CSRP3: variants seen among roughly 807,000 people sequenced by gnomAD.
The protein encoded by CSRP3 is cysteine and glycine rich protein 3.
Under a neutral mutation model 24.3 loss-of-function variants are expected in CSRP3, and 24 were observed. The ratio of observed to expected loss-of-function variants is 0.99; its 90% CI spans 0.71 to 1.39. The LOEUF is 1.39. Among genes scored for constraint, CSRP3 ranks in the 40% most tolerant of loss-of-function variants. The pLI is 0.00. For missense variants in CSRP3, 240 were observed against 249.0 expected, an observed-to-expected ratio of 0.96 and a Z score of 0.24; for synonymous variants, 105 against 94.0, an observed-to-expected ratio of 1.12 and a Z score of -0.68.
In CSRP3 at chr11:19,188,168, G is replaced by T; in HGVS notation, c.249C>A (p.Asp83Glu). 1 of 1,614,156 alleles carries T rather than the reference G, an allele frequency of 6.2e-7. No individual in the cohort carries two copies. Among genetic ancestry groups the T allele is most frequent in the African/African-American group, 1.3e-5 (1 of 75,054 alleles). Residue 83 changes from aspartate to glutamate, a missense_variant, in exon 3 of 6, where the codon GAC becomes GAA. Coordinates refer to ENST00000265968, the MANE Select transcript of CSRP3 (RefSeq NM_003476.5). Reference sequence around the variant, plus strand: ...ACTGCAGGCCGAGATGCTCGCCCGTGTCTGTGCTGAGACAGCCAGCGCCTT... The same window carrying T: ...ACTGCAGGCCGAGATGCTCGCCCGTTTCTGTGCTGAGACAGCCAGCGCCTT... ...YGQGAGCLST[D>E]TGEHLGLQFQ...
intron 1 of CSRP3, chr11:19,196,850 G>A (rs915286349): frequency 6.6e-6 from 1 of 152,258 alleles, no homozygotes; most frequent in Non-Finnish European, 1.5e-5. Context: ...ACGAGGATGA[G>A]ATAGAATGGA....
intron 1 of CSRP3, among the ~76,000 whole-genome samples, chr11:19,198,779 G>A (rs191685649): frequency 4.6e-5 from 7 of 152,124 alleles, no homozygotes; most frequent in Admixed American, 2.6e-4. Context: ...GTTGAACACT[G>A]GGCAAGTTGC....
At chr11:19,185,255 T>C (rs888614465) in intron 4 of CSRP3, among the ~76,000 whole-genome samples, 36 of 152,344 alleles carry the variant, frequency 2.4e-4, no homozygotes, top group African/African-American at 8.4e-4. Flanking sequence ...GGATTTGTCA[T>C]GGTGATTTGC....
chr11:19,186,319 G>A lies in CSRP3; in HGVS notation c.311C>T (p.Thr104Ile), dbSNP rs758083208. ...CGCAGTGAATTTGGAAGGGTTGCTG[G>A]TGGTAACTGAGCGTGCCGGCTTTGG... Reference protein sequence around the residue: ...QSPKPARSVTTSNPSKFTAKF... With the variant: ...QSPKPARSVTISNPSKFTAKF... Residue 104 changes from threonine (T) to isoleucine (I), a missense_variant, in exon 4 of 6, where the codon ACC becomes ATC. Physicochemically the swap from Thr to Ile is moderately conservative, Grantham distance 89. Coordinates refer to ENST00000265968, the MANE Select transcript of CSRP3 (RefSeq NM_003476.5). The A allele has an allele frequency of 1.9e-6, 3 of 1,614,104 alleles. No homozygotes were observed. The highest frequency in any genetic ancestry group is 2.2e-5 in the South Asian group (2 of 91,090).
Position 19,188,318 on chromosome 11 carries a change from G to A in CSRP3, c.113-14C>T, listed in dbSNP as rs1157188200. 3 of 1,611,728 alleles carry A rather than the reference G, an allele frequency of 1.9e-6. No individual in the cohort carries two copies. The highest frequency in any genetic ancestry group is 1.1e-5 in the South Asian group (1 of 91,000). On this transcript the variant is annotated splice_polypyrimidine_tract_variant and intron_variant, in intron 2 of 5. Coordinates refer to ENST00000265968, the MANE Select transcript of CSRP3 (RefSeq NM_003476.5). ...TCCTGCAGGCCACTGCCAGGAAAAGGAAGGGTCATGGGATTGGAATTGAAA... is the reference window on the plus strand; with the variant it reads ...TCCTGCAGGCCACTGCCAGGAAAAGAAAGGGTCATGGGATTGGAATTGAAA...
Position 19,182,522 on chromosome 11 carries a change from C to T in CSRP3, c.*148G>A. ...ATTTTCTTCCAAAGGCCTCTTCTAA[C>T]ATTCAGTAAAGACCTGATCACTTCT... On this transcript the variant is annotated 3_prime_UTR_variant, in exon 6 of 6. Coordinates refer to ENST00000265968, the MANE Select transcript of CSRP3 (RefSeq NM_003476.5). The T allele has an allele frequency of 1.3e-6, 1 of 757,222 alleles. No individual in the cohort carries two copies. 46.9% of individuals were successfully genotyped at this position (757,222 alleles called of 1,614,324 possible).
At chr11:19,195,290 G>A (rs539701926) in intron 1 of CSRP3, among the ~76,000 whole-genome samples, 1 of 152,172 alleles carries the variant, frequency 6.6e-6, no homozygotes, top group South Asian at 2.1e-4. Context: ...TTTCAGGGCT[G>A]GAATAGATTT....
chr11:19,192,568 GC>G (rs1161936453), intron 1 of CSRP3, 92 bp from the exon 2 acceptor site: 2 of 788,538 alleles, frequency 2.5e-6, no homozygotes, highest in Admixed American at 4.0e-5. Context: ...CCAGGATCCA[GC>G]CCAATTTTTT....
chr11:19,201,500 A>G (rs2133530277), intron 1 of CSRP3, among the ~76,000 whole-genome samples: 1 of 152,334 alleles, frequency 6.6e-6, no homozygotes, highest in East Asian at 1.9e-4. Flanking sequence ...AATGTCGCCA[A>G]TTTGTATTGA....
At chr11:19,186,407 C>A in intron 3 of CSRP3, 59 bp from the exon 4 acceptor site, 1 of 1,609,380 alleles carries the variant, frequency 6.2e-7, no homozygotes, top group Non-Finnish European at 8.5e-7. Context: ...AGTAGAAGAG[C>A]TGTGTGGCCT....
intron 1 of CSRP3, among the ~76,000 whole-genome samples, chr11:19,197,092 G>A (rs114766837): frequency 1.7e-3 from 258 of 152,208 alleles, no homozygotes; most frequent in Admixed American, 3.6e-3. Flanking sequence ...TGGGAAAACC[G>A]TTCAATCTCT....
chr11:19,195,240 C>G (rs1040462898), intron 1 of CSRP3, among the ~76,000 whole-genome samples: 1 of 151,858 alleles, frequency 6.6e-6, no homozygotes, highest in Admixed American at 6.6e-5. Context: ...TCTAAAATAG[C>G]CCAAATTTGT....
chr11:19,190,521 C>A (rs999511148), intron 2 of CSRP3, among the ~76,000 whole-genome samples: 1 of 152,058 alleles, frequency 6.6e-6, no homozygotes, highest in Non-Finnish European at 1.5e-5. Context: ...TTATTTGTAC[C>A]ATTTTTAAAC....
chr11:19,182,885 G>T, intron 5 of CSRP3, 139 bp from the exon 6 acceptor site: 1 of 717,904 alleles, frequency 1.4e-6, no homozygotes, highest in South Asian at 1.5e-5. Context: ...CGCCAGGCAC[G>T]GTGGCTCATG....
intron 1 of CSRP3, among the ~76,000 whole-genome samples, chr11:19,194,111 A>G (rs1850658467): frequency 6.6e-6 from 1 of 152,168 alleles, no homozygotes; most frequent in South Asian, 2.1e-4. Context: ...ATAGTTGGCG[A>G]TTAACACTAA....
At chr11:19,190,770 A>G (rs1000048794) in intron 2 of CSRP3, among the ~76,000 whole-genome samples, 2 of 152,154 alleles carry the variant, frequency 1.3e-5, no homozygotes, top group African/African-American at 4.8e-5. Context: ...TTGTGGTAAT[A>G]ATATAGAAAA....
chr11:19,188,613 AGTGTGT>A (rs138192808), intron 2 of CSRP3, among the ~76,000 whole-genome samples: 1,831 of 140,962 alleles, frequency 0.013, 21 homozygotes, highest in African/African-American at 0.03. Context: ...ACATCAGGGA[AGTGTGT>A]GTGTGTGTGT....
At chr11:19,187,827 A>G (rs917421020) in intron 3 of CSRP3, among the ~76,000 whole-genome samples, 3 of 152,246 alleles carry the variant, frequency 2.0e-5, no homozygotes, top group African/African-American at 7.2e-5. Context: ...CGGGGAAGAA[A>G]GGAGACTCCA....
intron 1 of CSRP3, among the ~76,000 whole-genome samples, chr11:19,197,667 C>A (rs1850764303): frequency 6.6e-6 from 1 of 151,092 alleles, no homozygotes; most frequent in Admixed American, 6.6e-5. Context: ...GAACTTTAGG[C>A]CATGACTTTG....
Sources: gnomAD v4.1 joint callset for allele counts (sites outside exome capture counted in the v4.1 genomes callset) on GRCh38, gnomAD v4.1.1 for gene constraint, MANE v1.5 for transcripts, NCBI Gene and HGNC (gene_info 2026-07-23, HGNC 2026-07-21) for gene names.